ST18: variants seen among roughly 807,000 people sequenced by gnomAD.
ST18 encodes ST18 C2H2C-type zinc finger transcription factor, also known as suppression of tumorigenicity 18 protein.
A neutral mutation model predicts 110.0 loss-of-function variants in ST18; 50 were observed. That is an observed-to-expected ratio of 0.45 (90% CI 0.36 to 0.58). The LOEUF is 0.58. ST18 is among the 20% of genes least tolerant of loss of function. The pLI is 0.00. For missense variants in ST18, 1,306 were observed against 1,280.1 expected, an observed-to-expected ratio of 1.02 and a Z score of -0.31; for synonymous variants, 461 against 452.4, an observed-to-expected ratio of 1.02 and a Z score of -0.24.
intron 2 of ST18, among the ~76,000 whole-genome samples, chr8:52,240,083 C>G (rs545992973): frequency 6.6e-6 from 1 of 152,246 alleles, no homozygotes; most frequent in South Asian, 2.1e-4. Context: ...CATGAGCCAC[C>G]AAGCCCAGCC....
intron 2 of ST18, among the ~76,000 whole-genome samples, chr8:52,236,094 A>G (rs1167286259): frequency 6.6e-6 from 1 of 152,230 alleles, no homozygotes; most frequent in Non-Finnish European, 1.5e-5. Context: ...ATAGCAGATG[A>G]TGCTTTAAAA....
intron 2 of ST18, among the ~76,000 whole-genome samples, chr8:52,292,329 C>T (rs2095568767): frequency 6.6e-6 from 1 of 152,118 alleles, no homozygotes; most frequent in Non-Finnish European, 1.5e-5. Context: ...GGTACCACAT[C>T]ATATGACAGT....
chr8:52,332,860 A>C (rs940739374), intron 2 of ST18, among the ~76,000 whole-genome samples: 1 of 152,080 alleles, frequency 6.6e-6, no homozygotes, highest in South Asian at 2.1e-4. Flanking sequence ...AAAAACAAAC[A>C]AACAAAATAT....
intron 2 of ST18, among the ~76,000 whole-genome samples, chr8:52,285,629 A>G (rs751532790): frequency 1.3e-5 from 2 of 152,222 alleles, no homozygotes; most frequent in Non-Finnish European, 2.9e-5. Flanking sequence ...CCTGGGGATC[A>G]AGGCTAGAAT....
At chr8:52,370,276 G>A (rs1829780957) in intron 2 of ST18, among the ~76,000 whole-genome samples, 1 of 152,182 alleles carries the variant, frequency 6.6e-6, no homozygotes, top group Non-Finnish European at 1.5e-5. Context: ...AGTAGGTTAA[G>A]CTCTAATATG....
At chr8:52,344,083 T>C (rs745340669) in intron 2 of ST18, among the ~76,000 whole-genome samples, 8 of 152,224 alleles carry the variant, frequency 5.3e-5, no homozygotes, top group Non-Finnish European at 1.2e-4. Context: ...ATATAATAGC[T>C]GTACAGCTAT....
At chr8:52,214,018 C>T (rs1370548714) in intron 7 of ST18, among the ~76,000 whole-genome samples, 185 bp downstream of exon 7, 1 of 152,136 alleles carries the variant, frequency 6.6e-6, no homozygotes. Flanking sequence ...TTTCTGAGTT[C>T]TTTAACTCCT....
At chr8:52,374,986 G>A (rs912009090) in intron 2 of ST18, among the ~76,000 whole-genome samples, 2 of 152,132 alleles carry the variant, frequency 1.3e-5, no homozygotes, top group African/African-American at 4.8e-5. Flanking sequence ...GGCTGCAGAA[G>A]TCACAGATAT....
intron 2 of ST18, among the ~76,000 whole-genome samples, chr8:52,324,099 G>A (rs930466918): frequency 9.2e-5 from 14 of 152,206 alleles, no homozygotes; most frequent in Admixed American, 3.9e-4. Context: ...CACAGACAAT[G>A]GGTCCCTGGA....
intron 8 of ST18, among the ~76,000 whole-genome samples, chr8:52,202,747 T>C (rs892844449): frequency 4.0e-5 from 6 of 151,796 alleles, no homozygotes; most frequent in African/African-American, 1.5e-4. Context: ...TAGAACAGAG[T>C]TGAGATGGAA....
intron 2 of ST18, chr8:52,404,761 A>G (rs527906521): frequency 1.3e-5 from 2 of 152,336 alleles, no homozygotes; most frequent in East Asian, 1.9e-4. Context: ...AACGCTTTAG[A>G]AAAAGAAAAC....
chr8:52,284,202 G>T (rs1253279702), intron 2 of ST18, among the ~76,000 whole-genome samples: 3 of 152,200 alleles, frequency 2.0e-5, no homozygotes, highest in Non-Finnish European at 4.4e-5. Context: ...CCTGCTGTGT[G>T]CAAAGGATGT....
intron 2 of ST18, among the ~76,000 whole-genome samples, chr8:52,364,452 G>A (rs1196400117): frequency 6.6e-6 from 1 of 152,126 alleles, no homozygotes; most frequent in African/African-American, 2.4e-5. Context: ...ATTCAGATGG[G>A]TATACGCGGT....
At chr8:52,198,033 G>C (rs1326986863) in intron 8 of ST18, among the ~76,000 whole-genome samples, 1 of 152,082 alleles carries the variant, frequency 6.6e-6, no homozygotes, top group Admixed American at 6.5e-5. Context: ...GTTTGTTTTT[G>C]AGACGGAGTC....
intron 2 of ST18, among the ~76,000 whole-genome samples, chr8:52,398,167 C>T (rs1841785137): frequency 2.0e-5 from 3 of 152,050 alleles, no homozygotes; most frequent in Admixed American, 6.6e-5. Context: ...AAATTTATTC[C>T]TAAGCATCTC....
intron 2 of ST18, among the ~76,000 whole-genome samples, chr8:52,340,238 T>C (rs893860500): frequency 2.0e-5 from 3 of 152,258 alleles, no homozygotes; most frequent in Admixed American, 6.5e-5. Context: ...AACACTGAAA[T>C]TATTTCAAAG....
Position 52,149,919 on chromosome 8 carries a change from C to A in ST18, c.1865G>T (p.Arg622Leu). 6.2e-7 allele frequency: 1 copy of A among 1,613,940 alleles called. No homozygotes were observed. The highest frequency in any genetic ancestry group is 8.5e-7 in the Non-Finnish European group (1 of 1,179,964). ...TAGGGGTGCAGACTTGTCCAGGATT[C>A]GATTTTTTTTCATGCTTAAGTCCAA... ...GTLDLSMKKN[R>L]ILDKSAPLTS... Residue 622 changes from arginine to leucine, a missense_variant, in exon 16 of 26, where the codon CGA (arginine) becomes CTA (leucine). By Grantham distance (102) the Arg-to-Leu change is moderately radical (BLOSUM62 -2). Transcript: ENST00000689386.
chr8:52,217,449 A>G (rs1427658790), intron 6 of ST18, among the ~76,000 whole-genome samples: 1 of 152,188 alleles, frequency 6.6e-6, no homozygotes, highest in East Asian at 1.9e-4. Context: ...AAAAAGGAGA[A>G]AAATGTGGTT....
At chr8:52,364,982 G>C (rs1827246996) in intron 2 of ST18, among the ~76,000 whole-genome samples, 1 of 151,880 alleles carries the variant, frequency 6.6e-6, no homozygotes, top group South Asian at 2.1e-4. Context: ...ATGGTTGCGG[G>C]GGGTGCCTGT....
Sources: allele counts gnomAD v4.1 joint callset (sites outside exome capture counted in the v4.1 genomes callset), GRCh38; gene constraint gnomAD v4.1.1; transcripts MANE v1.5; gene names NCBI Gene and HGNC (gene_info 2026-07-23, HGNC 2026-07-21).